The following FSBP variants were observed in gnomAD, a reference collection of about 807,000 sequenced individuals.
FSBP encodes the protein fibrinogen silencer-binding protein.
A neutral mutation model predicts 24.6 loss-of-function variants in FSBP; 18 were observed. That is an observed-to-expected ratio of 0.73 (90% CI 0.51 to 1.08). The LOEUF (loss-of-function observed/expected upper bound fraction) is 1.08, where lower values mean the gene tolerates loss of function less well. Ranked by LOEUF, FSBP falls within the 50% of genes least tolerant of loss-of-function variation. FSBP has a pLI of 0.00. For missense variants in FSBP, 305 were observed against 347.6 expected (o/e 0.88, Z 0.98); for synonymous variants, 110 against 125.8 (o/e 0.87, Z 0.84).
At position 94,431,201 on chromosome 8, in the gene FSBP, C is replaced by A. The variant is rs968270291; in HGVS notation, c.*930G>T. The A allele has an allele frequency of 1.1e-6, 1 of 929,114 alleles. No individual in the cohort carries two copies. The highest frequency in any genetic ancestry group is 1.8e-5 in the African/African-American group (1 of 55,918). 57.6% of individuals were successfully genotyped at this position (929,114 alleles called of 1,614,324 possible). On this transcript the variant is annotated 3_prime_UTR_variant, in exon 2 of 2. Transcript: ENST00000481490. ...CTAAAATAACAATACTTATAAAATA[C>A]ATAAAATTTTAATTTTGTTCATTCT...
Position 94,432,473 on chromosome 8 carries a change from A to G in FSBP, c.558T>C (p.His186=). ...LEQREEHELV[H]VMERSLSPSL... ...AAGGCGACAAGGATCTTTCCATAAC[A>G]TGTACTAATTCATGTTCTTCTCTTT... Residue 186 remains histidine, a synonymous_variant, in exon 2 of 2, where the codon CAT becomes CAC. Transcript: ENST00000481490. 3 of 1,550,498 alleles carry G rather than the reference A, an allele frequency of 1.9e-6. No individual in the cohort carries two copies. Among genetic ancestry groups the G allele is most frequent in the Non-Finnish European group, 2.6e-6 (3 of 1,146,866 alleles).
chr8:94,432,021 T>C lies in FSBP; in HGVS notation c.*110A>G. The C allele has an allele frequency of 1.5e-6, 2 of 1,377,014 alleles. No individual in the cohort carries two copies. The highest frequency in any genetic ancestry group is 3.2e-5 in the Admixed American group (1 of 31,286). 85.3% of individuals were successfully genotyped at this position (1,377,014 alleles called of 1,614,324 possible). ...TTATATCTAAAAAGTTTTTCCATAA[T>C]AGAGATTAACAACATTTTTCAAGAA... On this transcript the variant is annotated 3_prime_UTR_variant, in exon 2 of 2. Coordinates refer to ENST00000481490, the MANE Select transcript of FSBP (RefSeq NM_001256141.2).
Position 94,432,074 on chromosome 8 carries a change from A to G in FSBP, c.*57T>C. On this transcript the variant is annotated 3_prime_UTR_variant, in exon 2 of 2. Coordinates refer to ENST00000481490, the MANE Select transcript of FSBP (RefSeq NM_001256141.2). The stretch of plus-strand genomic sequence containing the variant: ...TGTATTCTGTTTCAGGATATTCCCA[A>G]ATTAAAGTAATTTGGCCAAAATCAA... 6.7e-7 allele frequency: 1 copy of G among 1,482,974 alleles called. No homozygotes were observed. Among genetic ancestry groups the G allele is most frequent in the Non-Finnish European group, 8.9e-7 (1 of 1,120,344 alleles). The allele number at this position is 1,482,974 out of a possible 1,614,324, so 91.9% of individuals were successfully genotyped here.
chr8:94,435,260 G>A (rs571535481), intron 1 of FSBP, among the ~76,000 whole-genome samples: 62 of 152,122 alleles, frequency 4.1e-4, no homozygotes, highest in African/African-American at 1.4e-3. Context: ...AATCCACTGT[G>A]TATTCATGTC....
rs762276266 is a variant in FSBP, at chr8:94,432,159, T to C, written c.872A>G (p.His291Arg). 11 of 1,549,952 alleles carry C rather than the reference T, an allele frequency of 7.1e-6. No individual in the cohort carries two copies. The South Asian group carries it at 1.3e-4, about 18-fold the overall frequency. ...VEKLKAIRLR[H>R]DLPEYNSL is the part of the protein sequence containing the mutation. Reference sequence around the variant, plus strand: ...GAGACTGTTATATTCAGGTAGATCATGCCGTAAGCGAATTGCTTTCAGCTT... The same window carrying C: ...GAGACTGTTATATTCAGGTAGATCACGCCGTAAGCGAATTGCTTTCAGCTT... Residue 291 changes from histidine (H) to arginine (R), a missense_variant, in exon 2 of 2, where the codon CAT (histidine) becomes CGT (arginine). Physicochemically the swap from His to Arg is conservative, Grantham distance 29 (BLOSUM62 0). Transcript: ENST00000481490.
chr8:94,431,184 A>C lies in FSBP; in HGVS notation c.*947T>G. The stretch of plus-strand genomic sequence containing the variant: ...TTTTATTTCCATGAATACTAAAATA[A>C]CAATACTTATAAAATACATAAAATT... On this transcript the variant is annotated 3_prime_UTR_variant, in exon 2 of 2. Transcript: ENST00000481490. The C allele has an allele frequency of 6.5e-6, 6 of 918,522 alleles. No individual in the cohort carries two copies. Among genetic ancestry groups the C allele is most frequent in the Non-Finnish European group, 7.8e-6 (6 of 769,270 alleles). 56.9% of individuals were successfully genotyped at this position (918,522 alleles called of 1,614,324 possible). A position where few individuals can be genotyped will look rare whatever the true frequency, so the allele number is the denominator to read the frequency against.
Position 94,431,857 on chromosome 8 carries a change from A to G in FSBP, c.*274T>C, listed in dbSNP as rs1812104057. ...TATGTGTTTGTATATGCATTTGTGT[A>G]TATCTTAGTGATCAGAATAAAATAT... On this transcript the variant is annotated 3_prime_UTR_variant, in exon 2 of 2. Coordinates refer to ENST00000481490, the MANE Select transcript of FSBP (RefSeq NM_001256141.2). 1.8e-6 allele frequency: 2 copies of G among 1,107,416 alleles called. No individual in the cohort carries two copies. The highest frequency in any genetic ancestry group is 1.7e-5 in the African/African-American group (1 of 60,562). 68.6% of individuals were successfully genotyped at this position (1,107,416 alleles called of 1,614,324 possible).
chr8:94,428,798 A>G lies in FSBP; in HGVS notation c.*3333T>C, dbSNP rs1049704431. On this transcript the variant is annotated 3_prime_UTR_variant, in exon 2 of 2. Coordinates refer to ENST00000481490, the MANE Select transcript of FSBP (RefSeq NM_001256141.2). ...CCTTAATGAAACTTGTCCTCAACAA[A>G]AACTGCTAATGTTAGTTGGTAAGTA... is the stretch of plus-strand genomic sequence containing the variant. 3.0e-6 allele frequency: 3 copies of G among 985,312 alleles called. No homozygotes were observed. Among genetic ancestry groups the G allele is most frequent in the African/African-American group, 1.7e-5 (1 of 57,330 alleles). 61.0% of individuals were successfully genotyped at this position (985,312 alleles called of 1,614,324 possible).
In FSBP at chr8:94,430,773, A is replaced by C; in HGVS notation, c.*1358T>G. The C allele has an allele frequency of 1.0e-6, 1 of 985,128 alleles. No homozygotes were observed. The highest frequency in any genetic ancestry group is 1.2e-6 in the Non-Finnish European group (1 of 829,660). The allele number at this position is 985,128 out of a possible 1,614,324, so 61.0% of individuals were successfully genotyped here. A position where few individuals can be genotyped will look rare whatever the true frequency, so the allele number is the denominator to read the frequency against. ...GAAGATTCCTCATTAAAAAATGCAG[A>C]TTTCTGGTTTATCCCCGCATGTGAA... On this transcript the variant is annotated 3_prime_UTR_variant, in exon 2 of 2. Transcript: ENST00000481490.
chr8:94,430,285 T>C lies in FSBP; in HGVS notation c.*1846A>G. On this transcript the variant is annotated 3_prime_UTR_variant, in exon 2 of 2. Coordinates refer to ENST00000481490, the MANE Select transcript of FSBP (RefSeq NM_001256141.2). The stretch of plus-strand genomic sequence containing the variant: ...AACATCGCACCACTGCACTCCAACC[T>C]AGGTGACAAAGCAAGACTCCATCTC... The C allele has an allele frequency of 1.1e-6, 1 of 921,356 alleles. No individual in the cohort carries two copies. The highest frequency in any genetic ancestry group is 1.2e-4 in the East Asian group (1 of 8,302). 57.1% of individuals were successfully genotyped at this position (921,356 alleles called of 1,614,324 possible).
In FSBP at chr8:94,433,234, A is replaced by C. The variant is rs3136419; in HGVS notation, c.375-578T>G. On this transcript the variant is annotated intron_variant, in intron 1 of 1. Transcript: ENST00000481490. ...TGCTCAACTACTGGAGGTTATCCTA[A>C]CTTTCTTATTTCAGATGCTTTTATC... is the stretch of plus-strand genomic sequence containing the variant. Among the ~76,000 whole-genome samples, 234 of 152,240 alleles carry C rather than the reference A, an allele frequency of 1.5e-3. 1 individual carries two copies. The highest frequency in any genetic ancestry group is 2.3e-3 in the Non-Finnish European group (157 of 67,956).
chr8:94,434,892 TTG>T (rs915269615), intron 1 of FSBP, among the ~76,000 whole-genome samples: 1 of 150,882 alleles, frequency 6.6e-6, no homozygotes, highest in Non-Finnish European at 1.5e-5. Context: ...AAAAGATTTT[TTG>T]TGTGTGAATA....
rs1481562598 is a variant in FSBP at position 94,436,478 on chromosome 8, A to C, written c.374+17T>G. 6.6e-7 allele frequency: 1 copy of C among 1,517,386 alleles called. No individual in the cohort carries two copies. Among genetic ancestry groups the C allele is most frequent in the South Asian group, 1.3e-5 (1 of 77,948 alleles). 94.0% of individuals were successfully genotyped at this position (1,517,386 alleles called of 1,614,324 possible). A position where few individuals can be genotyped will look rare whatever the true frequency, so the allele number is the denominator to read the frequency against. On this transcript the variant is annotated intron_variant, in intron 1 of 1. Coordinates refer to ENST00000481490, the MANE Select transcript of FSBP (RefSeq NM_001256141.2). ...GAGGCGCCATAATTTTCCATAACAA[A>C]ACAAAATAAAGCTTACCTTTGTATG... is the stretch of plus-strand genomic sequence containing the variant.
rs3136404 is a variant in FSBP at position 94,436,943 on chromosome 8, A to T, written c.-75T>A. 28 of 1,450,926 alleles carry T rather than the reference A, an allele frequency of 1.9e-5. 1 individual carries two copies. The Middle Eastern group carries it at 7.4e-4, about 38-fold the overall frequency. The allele number at this position is 1,450,926 out of a possible 1,614,324, so 89.9% of individuals were successfully genotyped here. ...CAGCTCTGCTCAGCTCTTTTCACAA[A>T]CAGAAAAAGATCAGGCTTAACTAGG... On this transcript the variant is annotated 5_prime_UTR_variant, in exon 1 of 2. Transcript: ENST00000481490.
At position 94,432,422 on chromosome 8, in the gene FSBP, C is replaced by T; in HGVS notation, c.609G>A (p.Met203Ile). 5 of 1,550,400 alleles carry T rather than the reference C, an allele frequency of 3.2e-6. No individual in the cohort carries two copies. Among genetic ancestry groups the T allele is most frequent in the Non-Finnish European group, 4.4e-6 (5 of 1,146,868 alleles). The change falls in exon 2 of 2, where the codon ATG (methionine) becomes ATA (isoleucine). Residue 203 changes from methionine to isoleucine, a missense_variant. Transcript: ENST00000481490. The part of the protein sequence containing the change: ...SPSLSSVDMR[M>I]TSSPSSIPRR... ...TTGGAATAGAAGATGGAGACGATGT[C>T]ATTCTCATATCAACAGAGGAAAGTG...
At position 94,428,902 on chromosome 8, in the gene FSBP, G is replaced by GT; in HGVS notation, c.*3228dup. ...GTTCCAAATTACCCTAAGATACTCT[G>GT]TAAGATAATAAACAGCCTCGGAAAA... On this transcript the variant is annotated 3_prime_UTR_variant, in exon 2 of 2. Transcript: ENST00000481490. 1 of 985,152 alleles carries GT rather than the reference G, an allele frequency of 1.0e-6. No individual in the cohort carries two copies. Among genetic ancestry groups the GT allele is most frequent in the Non-Finnish European group, 1.2e-6 (1 of 829,714 alleles). 61.0% of individuals were successfully genotyped at this position (985,152 alleles called of 1,614,324 possible).
chr8:94,436,497 T>G lies in FSBP; in HGVS notation c.372A>C (p.Gln124His). 1.3e-6 allele frequency: 2 copies of G among 1,542,108 alleles called. No individual in the cohort carries two copies. The highest frequency in any genetic ancestry group is 1.7e-6 in the Non-Finnish European group (2 of 1,144,222). ...FCLVRDRNHI[Q>H]SANLDEEAQA... ...TAACAAAACAAAATAAAGCTTACCT[T>G]TGTATGTGGTTCCTGTCTCTTACCA... The change falls in exon 1 of 2, where the codon CAA becomes CAC. Residue 124 changes from glutamine to histidine, a missense_variant and splice_region_variant. Gln to His is a conservative substitution (Grantham distance 24). Coordinates refer to ENST00000481490, the MANE Select transcript of FSBP (RefSeq NM_001256141.2).
rs1417074240 is a variant in FSBP, at chr8:94,431,932, A to C, written c.*199T>G. The C allele has an allele frequency of 8.0e-7, 1 of 1,252,360 alleles. No homozygotes were observed. The highest frequency in any genetic ancestry group is 1.6e-5 in the African/African-American group (1 of 64,072). The allele number at this position is 1,252,360 out of a possible 1,614,324, so 77.6% of individuals were successfully genotyped here. ...TTAGGGAAAAAAAAAAGAAGACAAT[A>C]AAAACTATAACCATGCCAACCAACC... On this transcript the variant is annotated 3_prime_UTR_variant, in exon 2 of 2. Coordinates refer to ENST00000481490, the MANE Select transcript of FSBP (RefSeq NM_001256141.2).
chr8:94,429,472 T>C lies in FSBP; in HGVS notation c.*2659A>G, dbSNP rs1812030499. 1 of 979,686 alleles carries C rather than the reference T, an allele frequency of 1.0e-6. No individual in the cohort carries two copies. Among genetic ancestry groups the C allele is most frequent in the Non-Finnish European group, 1.2e-6 (1 of 824,700 alleles). 60.7% of individuals were successfully genotyped at this position (979,686 alleles called of 1,614,324 possible). ...CAGAACACACTTGGGAAAACTCTGA[T>C]TTGCTGTAAAAGCCAACATTTAAAT... On this transcript the variant is annotated 3_prime_UTR_variant, in exon 2 of 2. Transcript: ENST00000481490.
Sources: allele counts gnomAD v4.1 joint callset (sites outside exome capture counted in the v4.1 genomes callset), GRCh38; gene constraint gnomAD v4.1.1; transcripts MANE v1.5; gene names NCBI Gene and HGNC (gene_info 2026-07-23, HGNC 2026-07-21).